Variants in TRPC5 observed in about 807,000 individuals in gnomAD.
The protein encoded by TRPC5 is transient receptor potential cation channel subfamily C member 5, also known as short transient receptor potential channel 5.
Under a neutral mutation model 56.5 loss-of-function variants are expected in TRPC5, and 9 were observed. That is an observed-to-expected ratio of 0.16 (90% CI 0.10 to 0.28). TRPC5 has a LOEUF of 0.28. TRPC5 is among the 10% of genes least tolerant of loss of function. The pLI is 1.00. For synonymous variants in TRPC5, 282 were observed against 278.5 expected, an observed-to-expected ratio of 1.01 and a Z score of -0.13; for missense variants, 469 against 748.9, an observed-to-expected ratio of 0.63 and a Z score of 4.36.
At chrX:111,783,402 CATTTTCACTA>C (rs1477352884) in intron 7 of TRPC5, among the ~76,000 whole-genome samples, 2 of 111,183 alleles carry the variant, frequency 1.8e-5, no homozygotes, top group Non-Finnish European at 3.8e-5. Flanking sequence ...TACTGTTTTC[CATTTTCACTA>C]ATTGCTCTAT....
chrX:111,799,293 C>A (rs753342581), intron 7 of TRPC5, among the ~76,000 whole-genome samples: 33 of 111,415 alleles, frequency 3.0e-4, no homozygotes, highest in African/African-American at 9.8e-4. Flanking sequence ...CAATGAGAAC[C>A]CTTTTTCTGG....
chrX:111,867,251 C>A (rs1392056638), intron 3 of TRPC5, among the ~76,000 whole-genome samples: 2 of 111,653 alleles, frequency 1.8e-5, no homozygotes, highest in Non-Finnish European at 3.8e-5. Context: ...TCTCCTGTTA[C>A]CACCATTTTA....
rs1239868716 is a variant in TRPC5, at chrX:112,071,687, A to G, written c.-22+10192T>C. On this transcript the variant is annotated intron_variant, in intron 1 of 10. Coordinates refer to ENST00000262839, the MANE Select transcript of TRPC5 (RefSeq NM_012471.3). ...GACACTGAAATTTGAGTTTCATATA[A>G]CTTTTACATCATGAAATGTATTTTC... Among the ~76,000 whole-genome samples, 4 of 112,272 alleles carry G rather than the reference A, an allele frequency of 3.6e-5. No individual in the cohort carries two copies. In the East Asian group the frequency reaches 1.1e-3, roughly 31 times the overall value.
rs1928967864 is a variant in TRPC5, at chrX:112,010,650, T to C, written c.-21-58209A>G. Among the ~76,000 whole-genome samples, 3 of 111,448 alleles carry C rather than the reference T, an allele frequency of 2.7e-5. No homozygotes were observed. In the Admixed American group the frequency reaches 2.9e-4, roughly 11 times the overall value. On this transcript the variant is annotated intron_variant, in intron 1 of 10. Transcript: ENST00000262839. ...TCATTTATACACAATATAATTTATA[T>C]ATAATAAAAATGATAAATGATATAA... is the stretch of plus-strand genomic sequence containing the variant.
intron 1 of TRPC5, among the ~76,000 whole-genome samples, chrX:112,037,077 G>A (rs916552163): frequency 1.8e-5 from 2 of 111,875 alleles, no homozygotes; most frequent in African/African-American, 6.5e-5. Context: ...TGCTTTCAAT[G>A]ATGCATTTAT....
chrX:111,846,353 T>C (rs926896432), intron 6 of TRPC5, among the ~76,000 whole-genome samples: 26 of 111,923 alleles, frequency 2.3e-4, no homozygotes, highest in Admixed American at 8.6e-4. Context: ...GCCTGACATG[T>C]ACTTATTTGT....
At chrX:112,040,150 T>TG (rs2147726078) in intron 1 of TRPC5, among the ~76,000 whole-genome samples, 1 of 112,064 alleles carries the variant, frequency 8.9e-6, no homozygotes, top group African/African-American at 3.2e-5. Flanking sequence ...CCAGGGTTAT[T>TG]GGGTACCTTC....
chrX:112,033,994 T>C (rs912589361), intron 1 of TRPC5, among the ~76,000 whole-genome samples: 4 of 112,474 alleles, frequency 3.6e-5, no homozygotes, highest in African/African-American at 1.3e-4. Flanking sequence ...TGTATGTCTC[T>C]CCTTATGCCA....
intron 2 of TRPC5, among the ~76,000 whole-genome samples, chrX:111,922,515 T>C (rs1229617907): frequency 8.9e-6 from 1 of 112,526 alleles, no homozygotes; most frequent in African/African-American, 3.2e-5. Context: ...TCTGTATTAC[T>C]CAGAAGTGAA....
intron 3 of TRPC5, chrX:111,895,837 C>T (rs1368114595): frequency 9.0e-6 from 1 of 111,456 alleles, no homozygotes; most frequent in Non-Finnish European, 1.9e-5. Context: ...TATTACTAGC[C>T]TTTATTTATT....
intron 7 of TRPC5, among the ~76,000 whole-genome samples, chrX:111,795,203 A>G (rs1316722335): frequency 9.0e-6 from 1 of 110,973 alleles, no homozygotes; most frequent in Non-Finnish European, 1.9e-5. Flanking sequence ...GAGTAGATAT[A>G]CTATCTTTAT....
intron 7 of TRPC5, among the ~76,000 whole-genome samples, chrX:111,794,379 T>A (rs975576832): frequency 3.6e-5 from 4 of 111,385 alleles, no homozygotes; most frequent in African/African-American, 1.3e-4. Context: ...GTAGCGCAAT[T>A]CCATTCCTTC....
chrX:112,059,767 TCACA>T (rs1930421429), intron 1 of TRPC5, among the ~76,000 whole-genome samples: 1 of 112,149 alleles, frequency 8.9e-6, no homozygotes, highest in Non-Finnish European at 1.9e-5. Flanking sequence ...AGAGTAGCTC[TCACA>T]GAGAGCAGTT....
intron 10 of TRPC5, among the ~76,000 whole-genome samples, chrX:111,777,772 C>T (rs1448606129): frequency 8.9e-6 from 1 of 112,401 alleles, no homozygotes; most frequent in African/African-American, 3.2e-5. Flanking sequence ...TTCTCCCCAA[C>T]TCGCCCTTAT....
At chrX:111,895,491 T>C (rs6567990) in intron 3 of TRPC5, among the ~76,000 whole-genome samples, 29,848 of 111,143 alleles carry the variant, frequency 0.27, 7,519 homozygotes, top group African/African-American at 0.81. Flanking sequence ...GTTGGCTTTT[T>C]ATCCTCTTAA....
intron 1 of TRPC5, among the ~76,000 whole-genome samples, chrX:112,056,281 A>G (rs1395884429): frequency 8.9e-6 from 1 of 112,011 alleles, no homozygotes; most frequent in Non-Finnish European, 1.9e-5. Context: ...TAATAGAGCT[A>G]CCTTAAAAGT....
At chrX:111,940,408 C>T (rs747515625) in intron 2 of TRPC5, among the ~76,000 whole-genome samples, 6 of 111,402 alleles carry the variant, frequency 5.4e-5, no homozygotes, top group Non-Finnish European at 9.4e-5. Flanking sequence ...AAATATATTC[C>T]GGCCAGGCGC....
At chrX:111,971,400 C>T (rs184580763) in intron 1 of TRPC5, among the ~76,000 whole-genome samples, 11 of 111,368 alleles carry the variant, frequency 9.9e-5, no homozygotes, top group African/African-American at 3.6e-4. Flanking sequence ...CAGATAGAAT[C>T]TCAATTCCTT....
chrX:112,014,398 C>A (rs1398491721), intron 1 of TRPC5, among the ~76,000 whole-genome samples: 1 of 112,245 alleles, frequency 8.9e-6, no homozygotes, highest in Non-Finnish European at 1.9e-5. Context: ...TTTAGTCCAG[C>A]CTTCTGCATC....
Sources: gnomAD v4.1 joint callset for allele counts (sites outside exome capture counted in the v4.1 genomes callset) on GRCh38, gnomAD v4.1.1 for gene constraint, MANE v1.5 for transcripts, NCBI Gene and HGNC (gene_info 2026-07-23, HGNC 2026-07-21) for gene names.